ABRA: variants seen among roughly 807,000 people sequenced by gnomAD.
The protein encoded by ABRA is actin-binding Rho-activating protein.
In ABRA, 25 loss-of-function variants were observed where a neutral mutation model predicts 33.4. The observed-to-expected ratio is 0.75, with a 90% CI of 0.55 to 1.04. The LOEUF (loss-of-function observed/expected upper bound fraction) is 1.04. ABRA is among the 50% of genes least tolerant of loss of function. ABRA has a pLI of 0.00. For missense variants in ABRA, 501 were observed against 491.7 expected, an observed-to-expected ratio of 1.02 and a Z score of -0.18; for synonymous variants, 193 against 176.8, an observed-to-expected ratio of 1.09 and a Z score of -0.73.
chr8:106,763,513 C>CT (rs1836166142), intron 1 of ABRA, among the ~76,000 whole-genome samples: 1 of 152,182 alleles, frequency 6.6e-6, no homozygotes, highest in Admixed American at 6.5e-5. Flanking sequence ...CTCAGCCCTC[C>CT]TTGTCAGTTG....
rs532464772 is a variant in ABRA at position 106,763,630 on chromosome 8, A to C, written c.669-2116T>G. On this transcript the variant is annotated intron_variant, in intron 1 of 1. Coordinates refer to ENST00000311955, the MANE Select transcript of ABRA (RefSeq NM_139166.5). ...TACCTTGTCCCTTGTGAGCCATGCT[A>C]ATCAATGACTGATCACCATGTTGAT... 2.6e-5 allele frequency among the ~76,000 whole-genome samples: 4 copies of C among 152,328 alleles called. No homozygotes were observed. In the East Asian group the frequency reaches 7.7e-4, roughly 29 times the overall value.
Position 106,761,321 on chromosome 8 carries a change from G to A in ABRA, c.862C>T (p.Arg288Cys), listed in dbSNP as rs200193774. The A allele has an allele frequency of 1.8e-5, 29 of 1,614,112 alleles. No individual in the cohort carries two copies. Among genetic ancestry groups the A allele is most frequent in the Middle Eastern group, 1.6e-4 (1 of 6,062 alleles). The change falls in exon 2 of 2, where the codon CGC becomes TGC. Residue 288 changes from arginine (R) to cysteine (C), a missense_variant. Transcript: ENST00000311955. The stretch of plus-strand genomic sequence containing the variant: ...GCAGTTTTGGTTCCTTCTTTGGGGC[G>A]GCCATAGCCCTCATCTCCTTTGTGT... ...RLHKGDEGYG[R>C]PKEGTKTAER... is the part of the protein sequence containing the mutation.
chr8:106,769,444 TC>T, intron 1 of ABRA, 78 bp downstream of exon 1: 1 of 1,537,320 alleles, frequency 6.5e-7, no homozygotes, highest in Non-Finnish European at 8.8e-7. Flanking sequence ...CAGGACTTCA[TC>T]TGCTGCCTGG....
rs190134757 is a variant in ABRA, at chr8:106,761,162, C to T, written c.1021G>A (p.Val341Ile). The change falls in exon 2 of 2, where the codon GTT becomes ATT. Residue 341 changes from valine (V) to isoleucine (I), a missense_variant. By Grantham distance (29) the Val-to-Ile change is conservative. Transcript: ENST00000311955. ...CCCACTACTTTATCTGAAATACGAA[C>T]GTATCTGTCAAAGAGATCTCCAAAA... Reference protein sequence around the residue: ...VTFGDLFDRYVRISDKVVGIL... With the variant: ...VTFGDLFDRYIRISDKVVGIL... 7.4e-6 allele frequency: 12 copies of T among 1,614,172 alleles called. No individual in the cohort carries two copies. The East Asian group carries it at 1.1e-4, about 15-fold the overall frequency.
intron 1 of ABRA, among the ~76,000 whole-genome samples, chr8:106,768,527 G>A (rs1563782113): frequency 1.3e-5 from 2 of 152,212 alleles, no homozygotes; most frequent in African/African-American, 4.8e-5. Flanking sequence ...GAGCATATGT[G>A]ACAAGCTCTG....
At chr8:106,767,568 T>A (rs16875065) in intron 1 of ABRA, among the ~76,000 whole-genome samples, 18,023 of 152,258 alleles carry the variant, frequency 0.12, 1,401 homozygotes, top group East Asian at 0.33. Flanking sequence ...CTTAGCTTTG[T>A]CACTAATTTG....
chr8:106,761,722 G>C (rs2131630036), intron 1 of ABRA, among the ~76,000 whole-genome samples: 1 of 152,226 alleles, frequency 6.6e-6, no homozygotes, highest in East Asian at 1.9e-4. Context: ...TATCCTTCTA[G>C]ATTGTTTTCT....
At position 106,761,523 on chromosome 8, in the gene ABRA, G is replaced by A. The variant is rs1836140916; in HGVS notation, c.669-9C>T. 1.3e-6 allele frequency: 2 copies of A among 1,599,908 alleles called. No individual in the cohort carries two copies. Among genetic ancestry groups the A allele is most frequent in the African/African-American group, 1.3e-5 (1 of 74,614 alleles). ...CTGTAAATCTGTTTACCCTAAAGTA[G>A]AGAGAGGGTGAACAATCAAGATTCA... is the stretch of plus-strand genomic sequence containing the variant. On this transcript the variant is annotated splice_polypyrimidine_tract_variant and intron_variant, in intron 1 of 1. Coordinates refer to ENST00000311955, the MANE Select transcript of ABRA (RefSeq NM_139166.5).
At chr8:106,765,727 T>G (rs1448372496) in intron 1 of ABRA, among the ~76,000 whole-genome samples, 1 of 152,234 alleles carries the variant, frequency 6.6e-6, no homozygotes, top group Non-Finnish European at 1.5e-5. Context: ...CAGATTGAAC[T>G]GTCTTCAGAG....
chr8:106,761,278 G>A lies in ABRA; in HGVS notation c.905C>T (p.Ala302Val). The A allele has an allele frequency of 6.2e-7, 1 of 1,614,212 alleles. No individual in the cohort carries two copies. Reference protein sequence around the residue: ...GTKTAERAKRAEEHIYREMMD... With the variant: ...GTKTAERAKRVEEHIYREMMD... The stretch of plus-strand genomic sequence containing the variant: ...CATTTCCCTGTAGATGTGCTCCTCA[G>A]CACGCTTGGCCCTTTCAGCAGTTTT... The change falls in exon 2 of 2, where the codon GCT becomes GTT. Residue 302 changes from alanine to valine, a missense_variant. Physicochemically the swap from Ala to Val is moderately conservative, Grantham distance 64. Coordinates refer to ENST00000311955, the MANE Select transcript of ABRA (RefSeq NM_139166.5).
At chr8:106,768,370 G>C (rs1282582108) in intron 1 of ABRA, among the ~76,000 whole-genome samples, 1 of 152,192 alleles carries the variant, frequency 6.6e-6, no homozygotes, top group Non-Finnish European at 1.5e-5. Context: ...TTGAGTAAAT[G>C]TGTATGTGAG....
intron 1 of ABRA, among the ~76,000 whole-genome samples, chr8:106,765,753 C>T (rs74325760): frequency 0.017 from 2,623 of 152,214 alleles, 54 homozygotes; most frequent in African/African-American, 0.06. Context: ...TGAAAGTGTT[C>T]GCGGCCCTAG....
chr8:106,766,636 C>A (rs1836225670), intron 1 of ABRA, among the ~76,000 whole-genome samples: 1 of 152,054 alleles, frequency 6.6e-6, no homozygotes, highest in African/African-American at 2.4e-5. Context: ...ACCCTATGTA[C>A]TCTAAGACAG....
At position 106,761,515 on chromosome 8, in the gene ABRA, C is replaced by A. The variant is rs1563780307; in HGVS notation, c.669-1G>T. On this transcript the variant is annotated splice_acceptor_variant, in intron 1 of 1. Transcript: ENST00000311955. LOFTEE classifies it high-confidence loss of function. ...GAGTTTCTCTGTAAATCTGTTTACC[C>A]TAAAGTAGAGAGAGGGTGAACAATC... is the stretch of plus-strand genomic sequence containing the variant. 1 of 1,609,086 alleles carries A rather than the reference C, an allele frequency of 6.2e-7. No homozygotes were observed.
Position 106,770,082 on chromosome 8 carries a change from C to G in ABRA, c.109G>C (p.Ala37Pro), listed in dbSNP as rs764169695. Residue 37 changes from alanine to proline, a missense_variant, in exon 1 of 2, where the codon GCG becomes CCG. Transcript: ENST00000311955. ...ISLARGWQQW[A>P]NENSIRQAQE... ...GCCTGCCTGATGCTGTTCTCATTCG[C>G]CCACTGCTGCCAACCTCGGGCCAAG... The G allele has an allele frequency of 3.7e-6, 6 of 1,613,990 alleles. 1 individual carries two copies. The highest frequency in any genetic ancestry group is 3.3e-4 in the Middle Eastern group (2 of 6,062).
chr8:106,769,592 G>C lies in ABRA; in HGVS notation c.599C>G (p.Ala200Gly). The C allele has an allele frequency of 1.2e-6, 2 of 1,614,178 alleles. No homozygotes were observed. The highest frequency in any genetic ancestry group is 1.7e-5 in the Admixed American group (1 of 60,022). The change falls in exon 1 of 2, where the codon GCT becomes GGT. Residue 200 changes from alanine to glycine, a missense_variant. Physicochemically the swap from Ala to Gly is moderately conservative, Grantham distance 60. Transcript: ENST00000311955. Reference sequence around the variant, plus strand: ...TCCATCCTGCTCGGGCCTCTCCTCAGCCTCTCCTCCATAGCCGCTGTCCTC... The same window carrying C: ...TCCATCCTGCTCGGGCCTCTCCTCACCCTCTCCTCCATAGCCGCTGTCCTC... ...DTEDSGYGGE[A>G]EERPEQDGVQ...
rs961523700 is a variant in ABRA, at chr8:106,760,718, G to A, written c.*319C>T. On this transcript the variant is annotated 3_prime_UTR_variant, in exon 2 of 2. Transcript: ENST00000311955. ...GGCTGAGGTGAGAGGATCACTTGAG[G>A]CCAGGAGTTAAAAGACCAGCTTTGG... is the stretch of plus-strand genomic sequence containing the variant. The A allele has an allele frequency of 1.2e-5, 3 of 257,474 alleles. No homozygotes were observed. Among genetic ancestry groups the A allele is most frequent in the African/African-American group, 4.5e-5 (2 of 44,218 alleles). The allele number at this position is 257,474 out of a possible 1,614,324, so 15.9% of individuals were successfully genotyped here. A position where few individuals can be genotyped will look rare whatever the true frequency, so the allele number is the denominator to read the frequency against.
At chr8:106,767,272 C>A (rs1836236825) in intron 1 of ABRA, among the ~76,000 whole-genome samples, 2 of 152,234 alleles carry the variant, frequency 1.3e-5, no homozygotes, top group Non-Finnish European at 2.9e-5. Flanking sequence ...CTGTCACCTC[C>A]TTACTTCTAG....
intron 1 of ABRA, among the ~76,000 whole-genome samples, chr8:106,764,963 A>ATT (rs35330136): frequency 2.0e-5 from 3 of 150,288 alleles, no homozygotes; most frequent in Non-Finnish European, 3.0e-5. Flanking sequence ...TATACACTGA[A>ATT]TTTTTTTTTT....
Sources: gnomAD v4.1 joint callset for allele counts (sites outside exome capture counted in the v4.1 genomes callset) on GRCh38, gnomAD v4.1.1 for gene constraint, MANE v1.5 for transcripts, NCBI Gene and HGNC (gene_info 2026-07-23, HGNC 2026-07-21) for gene names.